Variants in PDS5A observed in about 807,000 individuals in gnomAD.
The protein encoded by PDS5A is PDS5 cohesin associated factor A.
PDS5A carries 42 observed loss-of-function variants against 167.1 expected under a neutral mutation model. That is an observed-to-expected ratio of 0.25 (90% CI 0.20 to 0.33). The LOEUF (loss-of-function observed/expected upper bound fraction) is 0.33. PDS5A is among the 10% of genes least tolerant of loss of function. The pLI, the probability that PDS5A is intolerant of heterozygous loss-of-function variation, is 1.00. For missense variants in PDS5A, 1,033 were observed against 1,605.9 expected (o/e 0.64, Z 6.10); for synonymous variants, 553 against 554.6 (o/e 1.00, Z 0.04).
intron 7 of PDS5A, among the ~76,000 whole-genome samples, chr4:39,918,407 G>T (rs528080652): frequency 6.6e-6 from 1 of 151,716 alleles, no homozygotes; most frequent in South Asian, 2.1e-4. Flanking sequence ...GGCCAAGAGC[G>T]CAAATTAAAA....
chr4:39,858,782 C>T (rs141654757), intron 26 of PDS5A, among the ~76,000 whole-genome samples: 575 of 152,220 alleles, frequency 3.8e-3, no homozygotes, highest in Middle Eastern at 6.8e-3. Context: ...CTCCACAACG[C>T]GTGGCTAATT....
At chr4:39,896,975 A>G (rs1337858174) in intron 16 of PDS5A, among the ~76,000 whole-genome samples, 1 of 151,646 alleles carries the variant, frequency 6.6e-6, no homozygotes, top group Non-Finnish European at 1.5e-5. Context: ...ACAGGTATAC[A>G]TGTGTCATGG....
chr4:39,878,285 T>A lies in PDS5A; in HGVS notation c.1993-1132A>T, dbSNP rs751451847. Among the ~76,000 whole-genome samples the A allele has an allele frequency of 1.6e-4, 25 of 152,186 alleles. No individual in the cohort carries two copies. In the Middle Eastern group the frequency reaches 0.01, roughly 62 times the overall value. On this transcript the variant is annotated intron_variant, in intron 18 of 32. Transcript: ENST00000303538. ...TTTACAGAAAATTGGAGAATTAAAT[T>A]AGAAAAATGTAATAAAAAGCAATCT...
intron 2 of PDS5A, chr4:39,933,276 A>T (rs907539691): frequency 1.3e-5 from 2 of 152,126 alleles, no homozygotes; most frequent in Non-Finnish European, 2.9e-5. Context: ...TGCTATCAAA[A>T]GTATGTATGT....
At chr4:39,834,194 A>G (rs973143939) in intron 32 of PDS5A, among the ~76,000 whole-genome samples, 2 of 151,792 alleles carry the variant, frequency 1.3e-5, no homozygotes, top group African/African-American at 4.9e-5. Context: ...CAAAAAAAAA[A>G]AAAAAAGGGT....
chr4:39,905,935 T>G (rs1461504030), intron 11 of PDS5A, among the ~76,000 whole-genome samples: 2 of 133,010 alleles, frequency 1.5e-5, no homozygotes, highest in African/African-American at 2.9e-5. Context: ...ATTTAAAAAA[T>G]AAAAAAGAAA....
At chr4:39,867,245 ATT>A (rs531784005) in intron 22 of PDS5A, among the ~76,000 whole-genome samples, 3 of 148,746 alleles carry the variant, frequency 2.0e-5, no homozygotes, top group African/African-American at 7.4e-5. Flanking sequence ...TATGAGGAAG[ATT>A]TTTTTTTTTC....
At chr4:39,944,612 T>C (rs1727567027) in intron 2 of PDS5A, among the ~76,000 whole-genome samples, 1 of 148,448 alleles carries the variant, frequency 6.7e-6, no homozygotes, top group Non-Finnish European at 1.5e-5. Flanking sequence ...GAGAATCGCT[T>C]GAACCTGGGA....
intron 16 of PDS5A, among the ~76,000 whole-genome samples, chr4:39,891,420 G>C (rs1042451091): frequency 6.6e-6 from 1 of 150,936 alleles, no homozygotes; most frequent in African/African-American, 2.4e-5. Flanking sequence ...AGGCTGAGGC[G>C]GGCGGATCAC....
At chr4:39,878,964 G>T (rs751513561) in intron 18 of PDS5A, among the ~76,000 whole-genome samples, 1 of 152,090 alleles carries the variant, frequency 6.6e-6, no homozygotes, top group South Asian at 2.1e-4. Flanking sequence ...GGATGGTCTC[G>T]ATCTCTTGAC....
At chr4:39,973,207 A>T in intron 2 of PDS5A, 1 of 1,289,328 alleles carries the variant, frequency 7.8e-7, no homozygotes, top group Admixed American at 1.7e-5. Flanking sequence ...TAATATAGCT[A>T]GCTTCATGAA....
At chr4:39,839,985 T>C (rs1716826467) in intron 31 of PDS5A, among the ~76,000 whole-genome samples, 2 of 151,996 alleles carry the variant, frequency 1.3e-5, no homozygotes, top group African/African-American at 4.8e-5. Flanking sequence ...TCCCAGCTAC[T>C]CAGGAGGCTG....
Position 39,841,284 on chromosome 4 carries a change from C to A in PDS5A, c.3657+664G>T, listed in dbSNP as rs192736606. ...CCTCCTGAGTAGCTGAGATTACAGG[C>A]GCCTGCCACCACGTCCAGTTAATTT... On this transcript the variant is annotated intron_variant, in intron 31 of 32. Coordinates refer to ENST00000303538, the MANE Select transcript of PDS5A (RefSeq NM_001100399.2). Among the ~76,000 whole-genome samples the A allele has an allele frequency of 4.5e-3, 654 of 145,102 alleles. 3 individuals are homozygous for A. The highest frequency in any genetic ancestry group is 7.1e-3 in the South Asian group (32 of 4,500).
chr4:39,906,582 A>C (rs1479357595), intron 11 of PDS5A, among the ~76,000 whole-genome samples: 1 of 151,274 alleles, frequency 6.6e-6, no homozygotes, highest in Non-Finnish European at 1.5e-5. Flanking sequence ...TGTAAGAAAA[A>C]TAATAGTAAA....
At chr4:39,962,373 G>T (rs1729569073) in intron 2 of PDS5A, among the ~76,000 whole-genome samples, 1 of 151,960 alleles carries the variant, frequency 6.6e-6, no homozygotes, top group African/African-American at 2.4e-5. Context: ...GAGTTTTTAA[G>T]GAAATCTAGA....
Position 39,976,338 on chromosome 4 carries a change from T to C in PDS5A, c.138+102A>G, listed in dbSNP as rs922262458. Reference sequence around the variant, plus strand: ...AGTACCTTTCAGAGGGGGTAAGAGATCTAAAAAACTTGGAACTTTAAAGGC... The same window carrying C: ...AGTACCTTTCAGAGGGGGTAAGAGACCTAAAAAACTTGGAACTTTAAAGGC... On this transcript the variant is annotated intron_variant, in intron 2 of 32. Transcript: ENST00000303538. 9.1e-6 allele frequency: 8 copies of C among 878,672 alleles called. No homozygotes were observed. In the African/African-American group the frequency reaches 1.2e-4, roughly 13 times the overall value. The allele number at this position is 878,672 out of a possible 1,614,324, so 54.4% of individuals were successfully genotyped here.
rs940975618 is a variant in PDS5A at position 39,844,678 on chromosome 4, G to C, written c.3526C>G (p.Pro1176Ala). 5.0e-6 allele frequency: 8 copies of C among 1,608,418 alleles called. No individual in the cohort carries two copies. Among genetic ancestry groups the C allele is most frequent in the Middle Eastern group, 1.7e-4 (1 of 6,060 alleles). Residue 1176 changes from proline (P) to alanine (A), a missense_variant, in exon 30 of 33, where the codon CCT becomes GCT. Around this residue, in one of 4 missense-constraint regions of PDS5A, gnomAD observed 233 missense variants for 264.0 expected, o/e 0.88. Coordinates refer to ENST00000303538, the MANE Select transcript of PDS5A (RefSeq NM_001100399.2). The part of the protein sequence containing the change: ...SNINVNSELN[P>A]STGNRSREQS... ...TGCCTTGATCGATTTCCGGTTGAAG[G>C]GTTCAGCTCTGAATTTACATTAATA... is the stretch of plus-strand genomic sequence containing the variant.
At chr4:39,895,076 A>C (rs910963464) in intron 16 of PDS5A, among the ~76,000 whole-genome samples, 6 of 151,888 alleles carry the variant, frequency 4.0e-5, no homozygotes, top group Non-Finnish European at 5.9e-5. Flanking sequence ...AAATACAAAA[A>C]ATTAGCCGGG....
At chr4:39,842,189 TAC>T (rs376627853) in intron 30 of PDS5A, 133 bp from the exon 31 acceptor site, 3 of 617,660 alleles carry the variant, frequency 4.9e-6, no homozygotes, top group African/African-American at 1.8e-5. Context: ...AAGATTCGGA[TAC>T]TCTGTAGTTA....
Sources: allele counts gnomAD v4.1 joint callset (sites outside exome capture counted in the v4.1 genomes callset), GRCh38; gene constraint gnomAD v4.1.1; regional missense constraint gnomAD v4.1.1; transcripts MANE v1.5; gene names NCBI Gene and HGNC (gene_info 2026-07-23, HGNC 2026-07-21).